Variants in MOK observed in about 807,000 individuals in gnomAD.
MOK encodes MOK protein kinase, also known as MAPK/MAK/MRK overlapping kinase.
A neutral mutation model predicts 54.2 loss-of-function variants in MOK; 59 were observed. The ratio of observed to expected loss-of-function variants is 1.09; its 90% CI spans 0.88 to 1.35. The LOEUF is 1.35. MOK is among the 40% of genes most tolerant of loss of function. The pLI is 0.00. For synonymous variants in MOK, 210 were observed against 202.7 expected (o/e 1.04, Z -0.31); for missense variants, 517 against 526.2 (o/e 0.98, Z 0.17).
the MOK span, among the ~76,000 whole-genome samples, chr14:102,216,445 C>G: frequency 6.6e-6 from 1 of 152,192 alleles, no homozygotes; most frequent in African/African-American, 2.4e-5. Flanking sequence ...GCACACACCA[C>G]CAAACTCAGC....
downstream of MOK, among the ~76,000 whole-genome samples, chr14:102,228,112 A>G (rs1158448879): frequency 6.6e-6 from 1 of 152,220 alleles, no homozygotes; most frequent in East Asian, 1.9e-4. Flanking sequence ...CCCATGGGGA[A>G]ACAGGTTTCT....
chr14:102,215,721 C>G, the MOK span, among the ~76,000 whole-genome samples: 1 of 152,160 alleles, frequency 6.6e-6, no homozygotes. Context: ...AGGCTTTGTG[C>G]TGGCGTGAGG....
In MOK at chr14:102,228,993, G is replaced by A. The variant is rs984774439; in HGVS notation, c.*296C>T. 2.1e-5 allele frequency: 9 copies of A among 419,088 alleles called. No individual in the cohort carries two copies. The highest frequency in any genetic ancestry group is 4.9e-5 in the South Asian group (1 of 20,302). The allele number at this position is 419,088 out of a possible 1,614,324, so 26.0% of individuals were successfully genotyped here. Reference sequence around the variant, plus strand: ...CAACACATCACAGAAATGCCTGCTCGTTTGTTTTGATTCATATACAAAGTT... The same window carrying A: ...CAACACATCACAGAAATGCCTGCTCATTTGTTTTGATTCATATACAAAGTT... On this transcript the variant is annotated 3_prime_UTR_variant, in exon 12 of 12. Coordinates refer to ENST00000361847, the MANE Select transcript of MOK (RefSeq NM_014226.3).
rs2153108797 is a variant in MOK at position 102,249,962 on chromosome 14, G to A, written c.590+850C>T. ...CGTCTTGTGCGCTGGTGAGATACAG[G>A]TGGCCTTGTGCTCCTGACATCTGCC... On this transcript the variant is annotated intron_variant, in intron 7 of 11. Transcript: ENST00000361847. This position sits in a 1 kb window ranked among gnomAD's most constrained non-coding sequence, Gnocchi z 5.3. Among the ~76,000 whole-genome samples, 1 of 152,274 alleles carries A rather than the reference G, an allele frequency of 6.6e-6. No homozygotes were observed. The highest frequency in any genetic ancestry group is 2.4e-5 in the African/African-American group (1 of 41,546).
intron 1 of MOK, among the ~76,000 whole-genome samples, chr14:102,302,171 C>T (rs908911628): frequency 3.3e-5 from 5 of 151,092 alleles, no homozygotes; most frequent in African/African-American, 1.2e-4. Context: ...CTCCCAGGTT[C>T]AAGCGATTCC....
chr14:102,224,455 A>G (rs942876854), downstream of MOK: 6 of 398,410 alleles, frequency 1.5e-5, no homozygotes, highest in Non-Finnish European at 3.0e-5. Flanking sequence ...GCTACCAAGC[A>G]GAAGAATGTT....
chr14:102,286,173 C>T (rs1452498076), intron 1 of MOK, among the ~76,000 whole-genome samples: 2 of 151,624 alleles, frequency 1.3e-5, no homozygotes, highest in Non-Finnish European at 2.9e-5. Flanking sequence ...GTGGCGGGTG[C>T]CTGTAGTCCC....
downstream of MOK, among the ~76,000 whole-genome samples, chr14:102,227,126 A>G (rs1222665775): frequency 1.3e-5 from 2 of 152,070 alleles, no homozygotes; most frequent in Non-Finnish European, 2.9e-5. Flanking sequence ...TGCAGACCAC[A>G]TTTGCTTTCT....
At chr14:102,221,516 G>A (rs911813491), downstream of MOK, among the ~76,000 whole-genome samples, 1 of 152,184 alleles carries the variant, frequency 6.6e-6, no homozygotes, top group Admixed American at 6.5e-5. The surrounding 1 kb of genome is among the most constrained non-coding windows in gnomAD (Gnocchi z 4.8). Context: ...GGCGTTTGCG[G>A]GGTCCTCCAC....
intron 4 of MOK, among the ~76,000 whole-genome samples, chr14:102,258,604 A>C (rs1203936875): frequency 6.6e-6 from 1 of 152,164 alleles, no homozygotes; most frequent in Non-Finnish European, 1.5e-5. Context: ...CAAATGGGAC[A>C]TCCTCTCCCG....
chr14:102,262,499 T>C (rs1339812149), intron 4 of MOK, among the ~76,000 whole-genome samples: 1 of 152,236 alleles, frequency 6.6e-6, no homozygotes, highest in African/African-American at 2.4e-5. Flanking sequence ...ACTTGGCTAC[T>C]TATGCTATTT....
At chr14:102,261,273 G>A in intron 4 of MOK, among the ~76,000 whole-genome samples, 1 of 104,636 alleles carries the variant, frequency 9.6e-6, no homozygotes, top group Non-Finnish European at 1.9e-5. Context: ...AAAAAAATTA[G>A]CCAAGTGTGG....
chr14:102,297,124 A>G (rs1323625812), intron 1 of MOK, among the ~76,000 whole-genome samples: 2 of 151,898 alleles, frequency 1.3e-5, no homozygotes, highest in African/African-American at 2.4e-5. Context: ...TTGGGAGGCC[A>G]AGGTGGGCAG....
chr14:102,221,234 C>T (rs1229616466), downstream of MOK, among the ~76,000 whole-genome samples: 7 of 152,364 alleles, frequency 4.6e-5, no homozygotes, highest in East Asian at 1.3e-3. The surrounding 1 kb of genome is among the most constrained non-coding windows in gnomAD (Gnocchi z 4.8). Flanking sequence ...TGTCCCCAGG[C>T]TGGGTCACCA....
chr14:102,297,140 G>A (rs7151117), intron 1 of MOK, among the ~76,000 whole-genome samples: 16 of 151,792 alleles, frequency 1.1e-4, no homozygotes, highest in Admixed American at 5.3e-4. Flanking sequence ...GGCAGATCAC[G>A]AGGTCAGGAG....
At chr14:102,234,646 T>G (rs984761565) in intron 7 of MOK, among the ~76,000 whole-genome samples, 1 of 152,150 alleles carries the variant, frequency 6.6e-6, no homozygotes, top group Non-Finnish European at 1.5e-5. Context: ...CTCCTAAAAC[T>G]ACCCCCCTTG....
intron 1 of MOK, 79 bp downstream of exon 1, chr14:102,304,883 A>G (rs540404639): frequency 2.7e-6 from 4 of 1,496,182 alleles, no homozygotes; most frequent in Non-Finnish European, 3.6e-6. Context: ...AGGCCCCTCA[A>G]GCTCCTCAAG....
At chr14:102,301,048 T>A (rs1272663798) in intron 1 of MOK, among the ~76,000 whole-genome samples, 2 of 152,114 alleles carry the variant, frequency 1.3e-5, no homozygotes, top group Non-Finnish European at 2.9e-5. Context: ...TGAGCCAAGA[T>A]TGTGCCACTG....
chr14:102,214,704 C>T, the MOK span: 1 of 982,286 alleles, frequency 1.0e-6, no homozygotes, highest in South Asian at 4.7e-5. Context: ...CATGTATTTC[C>T]TTTTTTATAT....
Sources: allele counts gnomAD v4.1 joint callset (sites outside exome capture counted in the v4.1 genomes callset), GRCh38; gene constraint gnomAD v4.1.1; non-coding constraint Gnocchi (gnomAD v3.1); transcripts MANE v1.5; gene names NCBI Gene and HGNC (gene_info 2026-07-23, HGNC 2026-07-21).